Variants in MICAL3 observed in about 807,000 individuals in gnomAD.
MICAL3 encodes [F-actin]-monooxygenase MICAL3.
MICAL3 carries 62 observed loss-of-function variants against 207.4 expected under a neutral mutation model. The ratio of observed to expected loss-of-function variants is 0.30; its 90% CI spans 0.24 to 0.37. The LOEUF is 0.37. Ranked by LOEUF, MICAL3 falls within the 10% of genes least tolerant of loss-of-function variation. The probability of loss-of-function intolerance (pLI) is 1.00; values close to 1 mark genes in which losing one functional copy is unlikely to be tolerated. For synonymous variants in MICAL3, 1,077 were observed against 1,069.3 expected, an observed-to-expected ratio of 1.01 and a Z score of -0.14; for missense variants, 2,368 against 2,635.6, an observed-to-expected ratio of 0.90 and a Z score of 2.22.
At chr22:17,845,826 T>C (rs1569092041) in intron 19 of MICAL3, among the ~76,000 whole-genome samples, 1 of 152,204 alleles carries the variant, frequency 6.6e-6, no homozygotes. Context: ...ACTGTAATTT[T>C]CTAGGTGAGG....
intron 6 of MICAL3, 135 bp from the exon 7 acceptor site, chr22:17,899,683 A>T: frequency 1.6e-6 from 1 of 643,852 alleles, no homozygotes; most frequent in Non-Finnish European, 2.8e-6. Flanking sequence ...CTAAGCCCAG[A>T]TTCTCACGTC....
intron 1 of MICAL3, among the ~76,000 whole-genome samples, chr22:17,949,468 T>A (rs779181520): frequency 6.6e-6 from 1 of 152,174 alleles, no homozygotes; most frequent in African/African-American, 2.4e-5. Context: ...CAGGGAGAAC[T>A]GCTTTGCTAA....
Position 17,875,874 on chromosome 22 carries a change from G to A in MICAL3, c.2242-3851C>T, listed in dbSNP as rs537825193. 2.0e-5 allele frequency among the ~76,000 whole-genome samples: 3 copies of A among 152,222 alleles called. No individual in the cohort carries two copies. The East Asian group carries it at 5.8e-4, about 29-fold the overall frequency. On this transcript the variant is annotated intron_variant, in intron 16 of 31. Coordinates refer to ENST00000441493, the MANE Select transcript of MICAL3 (RefSeq NM_015241.3). ...GTAAGGCAGCCTGCAGGAAGGGCAG[G>A]GGGATGGCTTGTCGACTCACATGCT...
chr22:17,802,731 G>C (rs945426416), intron 29 of MICAL3, among the ~76,000 whole-genome samples: 10 of 152,142 alleles, frequency 6.6e-5, no homozygotes, highest in Admixed American at 2.0e-4. Flanking sequence ...AAGGAATGGG[G>C]TCAGGGTAAA....
Position 17,790,507 on chromosome 22 carries a change from G to A in MICAL3, c.*225C>T, listed in dbSNP as rs1401102575. ...GCCGTGCTGCTCCTCTGAGTGGGAG[G>A]TCCAGGTGGGCCTCCTCCCAGGAGG... On this transcript the variant is annotated 3_prime_UTR_variant, in exon 32 of 32. Transcript: ENST00000441493. 9 of 574,230 alleles carry A rather than the reference G, an allele frequency of 1.6e-5. No individual in the cohort carries two copies. Among genetic ancestry groups the A allele is most frequent in the Non-Finnish European group, 2.8e-5 (9 of 322,380 alleles). 35.6% of individuals were successfully genotyped at this position (574,230 alleles called of 1,614,324 possible). A position where few individuals can be genotyped will look rare whatever the true frequency, so the allele number is the denominator to read the frequency against.
chr22:17,801,982 G>T (rs1296460295), intron 29 of MICAL3, among the ~76,000 whole-genome samples: 1 of 152,044 alleles, frequency 6.6e-6, no homozygotes, highest in East Asian at 1.9e-4. Context: ...CCGGCATCTT[G>T]AACTGGGAGG....
At chr22:17,979,783 AC>A (rs1935822429) in intron 1 of MICAL3, among the ~76,000 whole-genome samples, 1 of 98,412 alleles carries the variant, frequency 1.0e-5, no homozygotes, top group Non-Finnish European at 2.1e-5. Context: ...ATTTAAAAAA[AC>A]AAAAAAAAAC....
At chr22:17,791,899 C>A (rs761688363) in intron 29 of MICAL3, among the ~76,000 whole-genome samples, 7 of 152,216 alleles carry the variant, frequency 4.6e-5, no homozygotes, top group Non-Finnish European at 8.8e-5. Context: ...CCCGCATGGT[C>A]GATGCAGGGC....
intron 20 of MICAL3, among the ~76,000 whole-genome samples, chr22:17,836,220 G>C (rs1923349341): frequency 1.3e-5 from 2 of 152,244 alleles, no homozygotes; most frequent in Non-Finnish European, 2.9e-5. Context: ...GTCCTCTGCT[G>C]TGTCAAGAGG....
intron 29 of MICAL3, among the ~76,000 whole-genome samples, chr22:17,800,925 C>G (rs542568374): frequency 6.6e-5 from 10 of 152,248 alleles, no homozygotes; most frequent in African/African-American, 2.4e-4. Context: ...ACGGGCGTGG[C>G]GAGAACAGGG....
chr22:17,969,105 G>A (rs979272069), intron 1 of MICAL3, among the ~76,000 whole-genome samples: 10 of 152,116 alleles, frequency 6.6e-5, no homozygotes, highest in African/African-American at 2.4e-4. Context: ...TGCAGTAGCA[G>A]GATCTCAGCT....
chr22:17,985,945 C>T lies in MICAL3; in HGVS notation c.-75+38336G>A, dbSNP rs141236842. ...TGTTTTTGAGACAGTCTCACTCTGTCGCCCAGGGTGGAGTGCAGTGGCAGC... is the reference window on the plus strand; with the variant it reads ...TGTTTTTGAGACAGTCTCACTCTGTTGCCCAGGGTGGAGTGCAGTGGCAGC... On this transcript the variant is annotated intron_variant, in intron 1 of 31. Coordinates refer to ENST00000441493, the MANE Select transcript of MICAL3 (RefSeq NM_015241.3). Among the ~76,000 whole-genome samples, 53 of 152,226 alleles carry T rather than the reference C, an allele frequency of 3.5e-4. No individual in the cohort carries two copies. In the East Asian group the frequency reaches 9.7e-3, roughly 28 times the overall value.
At chr22:17,855,721 T>A (rs997689629) in intron 19 of MICAL3, among the ~76,000 whole-genome samples, 21 of 152,262 alleles carry the variant, frequency 1.4e-4, no homozygotes, top group Non-Finnish European at 2.2e-4. Context: ...AGTGATGAAA[T>A]CCTTTGCCTT....
intron 16 of MICAL3, among the ~76,000 whole-genome samples, chr22:17,882,143 G>C (rs1474082122): frequency 6.6e-6 from 1 of 152,180 alleles, no homozygotes; most frequent in Non-Finnish European, 1.5e-5. Flanking sequence ...ACTAGGGCTG[G>C]TTAATGCACA....
At chr22:17,953,801 C>T (rs1416278348) in intron 1 of MICAL3, among the ~76,000 whole-genome samples, 1 of 151,508 alleles carries the variant, frequency 6.6e-6, no homozygotes, top group Non-Finnish European at 1.5e-5. Flanking sequence ...CGCAGTGGTG[C>T]GTACCTGTAA....
intron 1 of MICAL3, among the ~76,000 whole-genome samples, chr22:17,957,640 G>A (rs1934682578): frequency 6.7e-6 from 1 of 148,494 alleles, no homozygotes; most frequent in African/African-American, 2.5e-5. Context: ...GAACCAGGAA[G>A]CAGAGGTTGC....
chr22:18,016,171 A>T (rs1278446973), intron 1 of MICAL3, among the ~76,000 whole-genome samples: 1 of 152,200 alleles, frequency 6.6e-6, no homozygotes, highest in Non-Finnish European at 1.5e-5. Context: ...CTGTAACCTC[A>T]ATAGCATTAT....
intron 1 of MICAL3, among the ~76,000 whole-genome samples, chr22:17,996,800 C>A (rs1243262442): frequency 2.6e-5 from 4 of 152,084 alleles, no homozygotes; most frequent in Non-Finnish European, 4.4e-5. Flanking sequence ...TTGAAGTACA[C>A]CGGAAGCTAA....
intron 19 of MICAL3, among the ~76,000 whole-genome samples, chr22:17,853,395 T>G (rs1439646137): frequency 6.6e-6 from 1 of 152,196 alleles, no homozygotes; most frequent in East Asian, 1.9e-4. Context: ...ACGGGCCACC[T>G]TGTCCTAACC....
Sources: gnomAD v4.1 joint callset for allele counts (sites outside exome capture counted in the v4.1 genomes callset) on GRCh38, gnomAD v4.1.1 for gene constraint, MANE v1.5 for transcripts, NCBI Gene and HGNC (gene_info 2026-07-23, HGNC 2026-07-21) for gene names.